LRRC7: variants seen among roughly 807,000 people sequenced by gnomAD.
LRRC7 encodes the protein leucine rich repeat containing 7.
A neutral mutation model predicts 175.7 loss-of-function variants in LRRC7; 23 were observed. The observed-to-expected ratio is 0.13, with a 90% confidence interval of 0.09 to 0.19. The LOEUF is 0.19. Among genes scored for constraint, LRRC7 ranks in the 10% least tolerant of loss-of-function variants. LRRC7 has a pLI of 1.00. For missense variants in LRRC7, 1,354 were observed against 1,904.7 expected (o/e 0.71, Z 5.38); for synonymous variants, 685 against 680.9 (o/e 1.01, Z -0.09).
intron 7 of LRRC7, among the ~76,000 whole-genome samples, chr1:69,903,436 C>T (rs1008733479): frequency 8.5e-5 from 13 of 152,144 alleles, no homozygotes; most frequent in African/African-American, 2.9e-4. Flanking sequence ...AGGGACGGTG[C>T]ACTCTGGCCC....
chr1:70,018,911 C>T (rs1235683431), intron 15 of LRRC7, 93 bp downstream of exon 15: 7 of 837,784 alleles, frequency 8.4e-6, no homozygotes, highest in Non-Finnish European at 1.4e-5. Context: ...AGTACTGGCA[C>T]ATGGACAAGC....
intron 18 of LRRC7, among the ~76,000 whole-genome samples, chr1:70,030,452 G>A (rs553258738): frequency 6.6e-6 from 1 of 152,260 alleles, no homozygotes; most frequent in South Asian, 2.1e-4. Context: ...AAGAGGAACT[G>A]TTGCTTTCTG....
At chr1:70,086,110 C>CTTAT (rs947139543) in intron 24 of LRRC7, among the ~76,000 whole-genome samples, 103 of 151,728 alleles carry the variant, frequency 6.8e-4, no homozygotes, top group South Asian at 1.5e-3. Flanking sequence ...AGCCTTTATT[C>CTTAT]TTATTTATTT....
chr1:69,750,627 A>G (rs769963804), intron 2 of LRRC7, among the ~76,000 whole-genome samples: 5 of 152,178 alleles, frequency 3.3e-5, no homozygotes, highest in Admixed American at 2.6e-4. Context: ...GGAGGCTAGG[A>G]GTCCAAGATC....
chr1:69,619,936 AAT>A (rs1650284970), intron 1 of LRRC7, among the ~76,000 whole-genome samples: 1 of 150,944 alleles, frequency 6.6e-6, no homozygotes, highest in East Asian at 2.0e-4. Flanking sequence ...CATGGATTTT[AAT>A]ATAACAATAT....
chr1:69,965,636 A>G (rs1197364860), intron 8 of LRRC7, among the ~76,000 whole-genome samples: 2 of 152,116 alleles, frequency 1.3e-5, no homozygotes, highest in Non-Finnish European at 2.9e-5. Context: ...TTAAAAATTT[A>G]TGAACATTTT....
At chr1:69,858,848 C>A (rs1243711132) in intron 7 of LRRC7, among the ~76,000 whole-genome samples, 1 of 152,080 alleles carries the variant, frequency 6.6e-6, no homozygotes, top group South Asian at 2.1e-4. Context: ...TTTTATTTAT[C>A]TTGGTAACCT....
intron 18 of LRRC7, among the ~76,000 whole-genome samples, chr1:70,028,999 G>A (rs1658419242): frequency 6.6e-6 from 1 of 151,984 alleles, no homozygotes. Flanking sequence ...AGCTAATTTG[G>A]TTATCATATT....
chr1:69,991,852 T>C (rs1424744913), intron 10 of LRRC7, among the ~76,000 whole-genome samples: 3 of 152,188 alleles, frequency 2.0e-5, no homozygotes, highest in African/African-American at 7.2e-5. Context: ...TCACTTTCCC[T>C]GTGCTGGTTC....
rs1039896842 is a variant in LRRC7, at chr1:69,655,313, C to T, written c.3-23068C>T. 7.2e-5 allele frequency among the ~76,000 whole-genome samples: 11 copies of T among 152,158 alleles called. 1 individual carries two copies. The East Asian group carries it at 1.5e-3, about 21-fold the overall frequency. On this transcript the variant is annotated intron_variant, in intron 1 of 26. Coordinates refer to ENST00000651989, the MANE Select transcript of LRRC7 (RefSeq NM_001370785.2). ...GTAATTATCTCTACTACCACGTAGG[C>T]GGCTGATGAGATAGCTCAGAGACAC...
intron 1 of LRRC7, among the ~76,000 whole-genome samples, chr1:69,577,710 G>A (rs1235011954): frequency 1.3e-5 from 2 of 152,112 alleles, no homozygotes; most frequent in Non-Finnish European, 2.9e-5. Flanking sequence ...TGTTATTTCT[G>A]AGGGCTCTGT....
At chr1:69,636,619 A>C (rs2100406564) in intron 1 of LRRC7, among the ~76,000 whole-genome samples, 1 of 152,134 alleles carries the variant, frequency 6.6e-6, no homozygotes, top group Non-Finnish European at 1.5e-5. Context: ...TTGGCTATAA[A>C]GGGAATGTTT....
Position 69,764,215 on chromosome 1 carries a change from C to T in LRRC7, c.303+3822C>T, listed in dbSNP as rs993820661. Among the ~76,000 whole-genome samples, 9 of 151,700 alleles carry T rather than the reference C, an allele frequency of 5.9e-5. No individual in the cohort carries two copies. The East Asian group carries it at 1.7e-3, about 29-fold the overall frequency. ...CAGCTTATAATTTAGTACTGTTTTG[C>T]TTGTTATTTTGAATTAGGAACTTAA... On this transcript the variant is annotated intron_variant, in intron 3 of 26. Coordinates refer to ENST00000651989, the MANE Select transcript of LRRC7 (RefSeq NM_001370785.2).
At chr1:69,698,252 G>A (rs761623861) in intron 2 of LRRC7, among the ~76,000 whole-genome samples, 15 of 152,146 alleles carry the variant, frequency 9.9e-5, no homozygotes, top group Non-Finnish European at 1.8e-4. Context: ...AAGTGCAATC[G>A]AGAGAGCCTC....
intron 7 of LRRC7, among the ~76,000 whole-genome samples, chr1:69,866,533 T>C (rs540171725): frequency 6.6e-6 from 1 of 152,320 alleles, no homozygotes; most frequent in African/African-American, 2.4e-5. Flanking sequence ...ATTCCAAGGG[T>C]TATTTATCAT....
chr1:69,825,838 T>A lies in LRRC7; in HGVS notation c.500+12T>A, dbSNP rs755747978. Reference sequence around the variant, plus strand: ...AATCCCATTTCTAAGTGAGTATGAGTGATTAAATTTTATTTGTATTTATAT... The same window carrying A: ...AATCCCATTTCTAAGTGAGTATGAGAGATTAAATTTTATTTGTATTTATAT... On this transcript the variant is annotated intron_variant, in intron 5 of 26. Coordinates refer to ENST00000651989, the MANE Select transcript of LRRC7 (RefSeq NM_001370785.2). The A allele has an allele frequency of 1.3e-6, 2 of 1,515,716 alleles. No individual in the cohort carries two copies. The highest frequency in any genetic ancestry group is 1.2e-5 in the South Asian group (1 of 82,796). 93.9% of individuals were successfully genotyped at this position (1,515,716 alleles called of 1,614,324 possible). A position where few individuals can be genotyped will look rare whatever the true frequency, so the allele number is the denominator to read the frequency against.
At chr1:69,661,897 A>G (rs1657526567) in intron 1 of LRRC7, among the ~76,000 whole-genome samples, 1 of 152,190 alleles carries the variant, frequency 6.6e-6, no homozygotes, top group South Asian at 2.1e-4. Context: ...CAAAAGCATT[A>G]CATTCCCTCC....
At chr1:70,022,448 A>G (rs1005802393) in intron 16 of LRRC7, 9 of 152,206 alleles carry the variant, frequency 5.9e-5, no homozygotes, top group African/African-American at 2.2e-4. Context: ...ACTCTGGTAT[A>G]TGTGTCAATG....
chr1:70,056,113 G>T (rs1009663390), intron 23 of LRRC7, among the ~76,000 whole-genome samples: 1 of 152,172 alleles, frequency 6.6e-6, no homozygotes, highest in Non-Finnish European at 1.5e-5. Context: ...GAGTGGAAAT[G>T]TGCAGTGGAT....
Sources: gnomAD v4.1 joint callset for allele counts (sites outside exome capture counted in the v4.1 genomes callset) on GRCh38, gnomAD v4.1.1 for gene constraint, MANE v1.5 for transcripts, NCBI Gene and HGNC (gene_info 2026-07-23, HGNC 2026-07-21) for gene names.